ACO1: variants seen among roughly 807,000 people sequenced by gnomAD.
The protein encoded by ACO1 is cytoplasmic aconitate hydratase.
Under a neutral mutation model 105.1 loss-of-function variants are expected in ACO1, and 78 were observed. The observed-to-expected ratio is 0.74, with a 90% CI of 0.62 to 0.90. The LOEUF is 0.90. Ranked by LOEUF, ACO1 falls within the 40% of genes least tolerant of loss-of-function variation. ACO1 has a pLI of 0.00. For missense variants in ACO1, 965 were observed against 1,111.1 expected (o/e 0.87, Z 1.87); for synonymous variants, 364 against 397.4 (o/e 0.92, Z 1.00).
chr9:32,419,652 T>C (rs1472272753), intron 7 of ACO1, among the ~76,000 whole-genome samples: 1 of 152,250 alleles, frequency 6.6e-6, no homozygotes, highest in Non-Finnish European at 1.5e-5. Flanking sequence ...GTTTTCCACA[T>C]GGTTCTTCCT....
intron 7 of ACO1, among the ~76,000 whole-genome samples, chr9:32,419,839 G>C (rs1821930947): frequency 6.6e-6 from 1 of 152,202 alleles, no homozygotes; most frequent in Admixed American, 6.5e-5. Context: ...TTGTAAAAAG[G>C]CCATTTCGTT....
At chr9:32,405,173 G>A (rs537136416) in intron 1 of ACO1, among the ~76,000 whole-genome samples, 2 of 152,254 alleles carry the variant, frequency 1.3e-5, no homozygotes, top group African/African-American at 4.8e-5. Context: ...AGTGTCTTGC[G>A]CCCGTTACCG....
chr9:32,404,828 G>A (rs970898787), intron 1 of ACO1, among the ~76,000 whole-genome samples: 4 of 152,334 alleles, frequency 2.6e-5, no homozygotes, highest in East Asian at 3.9e-4. Context: ...CAAGCTGAAC[G>A]TGTGTCAGAA....
rs751916902 is a variant in ACO1, at chr9:32,440,606, T to C, written c.2370+19T>C. ...CCTGCTGGTGAGTATGAAGTAGACATCCTAGGAGGCAGCTCCCCTCTGAAC... is the reference window on the plus strand; with the variant it reads ...CCTGCTGGTGAGTATGAAGTAGACACCCTAGGAGGCAGCTCCCCTCTGAAC... On this transcript the variant is annotated intron_variant, in intron 19 of 20. Transcript: ENST00000309951. The C allele has an allele frequency of 1.5e-5, 24 of 1,611,748 alleles. No homozygotes were observed. The South Asian group carries it at 2.4e-4, about 16-fold the overall frequency.
At chr9:32,449,912 C>T in intron 20 of ACO1, 86 bp from the exon 21 acceptor site, 1 of 1,032,304 alleles carries the variant, frequency 9.7e-7, no homozygotes, top group Non-Finnish European at 1.5e-6. Context: ...TGGACCACAC[C>T]TGAGGGGCAG....
intron 17 of ACO1, chr9:32,435,895 T>TTC (rs1226922261): frequency 2.4e-5 from 9 of 380,696 alleles, no homozygotes; most frequent in African/African-American, 1.9e-4. Flanking sequence ...TGCTTCCATT[T>TTC]TCTCACTTAT....
chr9:32,430,152 C>T, intron 13 of ACO1, among the ~76,000 whole-genome samples: 1 of 152,208 alleles, frequency 6.6e-6, no homozygotes, highest in East Asian at 1.9e-4. Context: ...GGGCCCCAGG[C>T]AGCAATAACT....
chr9:32,404,118 T>A (rs1239118560), intron 1 of ACO1, among the ~76,000 whole-genome samples: 1 of 152,166 alleles, frequency 6.6e-6, no homozygotes, highest in African/African-American at 2.4e-5. Context: ...TGAGTTAGAA[T>A]TAGTCACAAA....
intron 19 of ACO1, among the ~76,000 whole-genome samples, chr9:32,441,312 G>T (rs564473196): frequency 6.6e-6 from 1 of 152,110 alleles, no homozygotes; most frequent in African/African-American, 2.4e-5. Flanking sequence ...AAGCAGAGAA[G>T]AATCATGCCA....
intron 1 of ACO1, among the ~76,000 whole-genome samples, chr9:32,390,680 C>T (rs375634361): frequency 1.2e-4 from 18 of 152,128 alleles, no homozygotes; most frequent in African/African-American, 4.3e-4. Flanking sequence ...TCAAATATGA[C>T]CTAGGACCAA....
At chr9:32,385,643 A>G (rs1417525251) in intron 1 of ACO1, among the ~76,000 whole-genome samples, 1 of 152,218 alleles carries the variant, frequency 6.6e-6, no homozygotes, top group Non-Finnish European at 1.5e-5. Flanking sequence ...AATCTCTTTG[A>G]TGTCAAGCGT....
At chr9:32,386,842 G>C (rs1395542619) in intron 1 of ACO1, among the ~76,000 whole-genome samples, 1 of 152,182 alleles carries the variant, frequency 6.6e-6, no homozygotes, top group African/African-American at 2.4e-5. Flanking sequence ...GTTATGTGCG[G>C]GATGCCAGGA....
Position 32,422,137 on chromosome 9 carries a change from T to A in ACO1, c.970+1110T>A, listed in dbSNP as rs184294732. Among the ~76,000 whole-genome samples the A allele has an allele frequency of 3.0e-3, 462 of 152,304 alleles. 1 individual carries two copies. Among genetic ancestry groups the A allele is most frequent in the Middle Eastern group, 0.02 (6 of 294 alleles). The stretch of plus-strand genomic sequence containing the variant: ...AGGGATAGTGTGCTGGGTAGAGGGA[T>A]AAAAGCTGTGAGATGGATCTAGAGG... On this transcript the variant is annotated intron_variant, in intron 8 of 20. Coordinates refer to ENST00000309951, the MANE Select transcript of ACO1 (RefSeq NM_002197.3).
rs1386524925 is a variant in ACO1 at position 32,439,620 on chromosome 9, A to G, written c.2248-845A>G. Among the ~76,000 whole-genome samples the G allele has an allele frequency of 6.6e-6, 1 of 152,234 alleles. No individual in the cohort carries two copies. The highest frequency in any genetic ancestry group is 1.5e-5 in the Non-Finnish European group (1 of 68,038). On this transcript the variant is annotated intron_variant, in intron 18 of 20. Transcript: ENST00000309951. The surrounding 1 kb of genome is among the most constrained non-coding windows in gnomAD (Gnocchi z 4.0). ...TAAGATGTTTCTCATGTACTAAAATATTAATCTTTTTCTACCTTTTATTGG... is the reference window on the plus strand; with the variant it reads ...TAAGATGTTTCTCATGTACTAAAATGTTAATCTTTTTCTACCTTTTATTGG...
intron 19 of ACO1, among the ~76,000 whole-genome samples, chr9:32,445,998 T>C (rs1371605240): frequency 6.6e-6 from 1 of 152,214 alleles, no homozygotes; most frequent in African/African-American, 2.4e-5. Context: ...TTTCCATTCT[T>C]TTGTGTATGC....
intron 15 of ACO1, among the ~76,000 whole-genome samples, chr9:32,433,427 G>T (rs754324024): frequency 2.0e-5 from 3 of 151,970 alleles, no homozygotes; most frequent in Non-Finnish European, 4.4e-5. Flanking sequence ...GTAGAGACAT[G>T]GTTTTGCCAT....
At chr9:32,400,908 G>C (rs1044593835) in intron 1 of ACO1, among the ~76,000 whole-genome samples, 9 of 149,636 alleles carry the variant, frequency 6.0e-5, no homozygotes, top group South Asian at 2.1e-4. Context: ...ATATGCAATG[G>C]TGTGTGTGTA....
intron 1 of ACO1, among the ~76,000 whole-genome samples, chr9:32,402,413 G>C (rs369438140): frequency 6.6e-6 from 1 of 152,158 alleles, no homozygotes; most frequent in East Asian, 1.9e-4. Context: ...ATTGTTGAAT[G>C]AAGATCAGAT....
chr9:32,433,455 T>C (rs1212452983), intron 15 of ACO1, among the ~76,000 whole-genome samples: 1 of 152,030 alleles, frequency 6.6e-6, no homozygotes, highest in Non-Finnish European at 1.5e-5. Context: ...AGGCTGGTCT[T>C]GAGCTGCTGG....
Sources: allele counts gnomAD v4.1 joint callset (sites outside exome capture counted in the v4.1 genomes callset), GRCh38; gene constraint gnomAD v4.1.1; non-coding constraint Gnocchi (gnomAD v3.1); transcripts MANE v1.5; gene names NCBI Gene and HGNC (gene_info 2026-07-23, HGNC 2026-07-21).